Variants in FAM81A observed in about 807,000 individuals in gnomAD.
The protein encoded by FAM81A is family with sequence similarity 81 member A.
A neutral mutation model predicts 46.7 loss-of-function variants in FAM81A; 19 were observed. That is an observed-to-expected ratio of 0.41 (90% CI 0.28 to 0.60). FAM81A has a LOEUF of 0.60. Ranked by LOEUF, FAM81A falls within the 20% of genes least tolerant of loss-of-function variation. The probability of loss-of-function intolerance (pLI) is 0.34; values close to 1 mark genes in which losing one functional copy is unlikely to be tolerated. For synonymous variants in FAM81A, 183 were observed against 152.9 expected, an observed-to-expected ratio of 1.20 and a Z score of -1.45; for missense variants, 377 against 453.5, an observed-to-expected ratio of 0.83 and a Z score of 1.53.
intron 2 of FAM81A, among the ~76,000 whole-genome samples, chr15:59,430,082 A>T (rs1347991089): frequency 6.6e-6 from 1 of 152,154 alleles, no homozygotes; most frequent in African/African-American, 2.4e-5. Context: ...CAAGGGCCAG[A>T]TAATTGTCTG....
At chr15:59,427,057 A>T (rs2081198043) in intron 2 of FAM81A, among the ~76,000 whole-genome samples, 2 of 151,910 alleles carry the variant, frequency 1.3e-5, no homozygotes, top group South Asian at 4.2e-4. Flanking sequence ...TCTTTCTCCC[A>T]TTTGCCTGGG....
At chr15:59,521,136 G>A (rs2082323673) in intron 8 of FAM81A, 118 bp from the exon 9 acceptor site, 1 of 1,127,106 alleles carries the variant, frequency 8.9e-7, no homozygotes, top group Admixed American at 3.2e-5. Context: ...TTTCATCCCA[G>A]AGGTTTTAGC....
chr15:59,430,268 T>G (rs1240621630), intron 2 of FAM81A, among the ~76,000 whole-genome samples: 1 of 95,806 alleles, frequency 1.0e-5, no homozygotes, highest in Non-Finnish European at 2.7e-5. Context: ...TTTTTTTTTT[T>G]TTTTTTTTTT....
At chr15:59,427,890 A>T (rs1003079340) in intron 2 of FAM81A, among the ~76,000 whole-genome samples, 9 of 152,214 alleles carry the variant, frequency 5.9e-5, no homozygotes, top group African/African-American at 2.2e-4. Context: ...TCTCTTCGAT[A>T]TACTGATTTC....
chr15:59,511,264 T>A (rs2082205032), intron 6 of FAM81A, among the ~76,000 whole-genome samples: 1 of 151,828 alleles, frequency 6.6e-6, no homozygotes, highest in Admixed American at 6.6e-5. Flanking sequence ...TATAGGTCAA[T>A]GACAACATCT....
chr15:59,517,973 C>CTT (rs540628428), intron 8 of FAM81A, among the ~76,000 whole-genome samples: 15 of 143,590 alleles, frequency 1.0e-4, no homozygotes, highest in Admixed American at 7.7e-4. Flanking sequence ...TTCTTTCTTC[C>CTT]TTTTTTTTTT....
At chr15:59,398,318 G>A (rs1333673485) in intron 1 of FAM81A, among the ~76,000 whole-genome samples, 1 of 152,276 alleles carries the variant, frequency 6.6e-6, no homozygotes, top group East Asian at 1.9e-4. Flanking sequence ...CACATGGGAG[G>A]AACACTGTGT....
chr15:59,447,232 GT>G (rs1295404052), intron 1 of FAM81A, among the ~76,000 whole-genome samples: 1 of 152,170 alleles, frequency 6.6e-6, no homozygotes, highest in East Asian at 1.9e-4. Context: ...GTAATGTACA[GT>G]TGAAAAAATG....
chr15:59,414,381 G>T (rs570126592), intron 2 of FAM81A, among the ~76,000 whole-genome samples: 2 of 152,180 alleles, frequency 1.3e-5, no homozygotes, highest in African/African-American at 4.8e-5. Context: ...CAGGAGAAAA[G>T]TTATACAAAT....
At chr15:59,454,769 A>T (rs1464655825) in intron 1 of FAM81A, among the ~76,000 whole-genome samples, 6 of 151,456 alleles carry the variant, frequency 4.0e-5, no homozygotes, top group African/African-American at 1.5e-4. Flanking sequence ...GGGACTACAG[A>T]TGCATGCCAC....
intron 1 of FAM81A, among the ~76,000 whole-genome samples, chr15:59,450,667 G>C (rs117769756): frequency 7.6e-4 from 115 of 152,178 alleles, no homozygotes; most frequent in Non-Finnish European, 1.3e-3. Flanking sequence ...TGCTTCCATT[G>C]TCCAGAACAG....
chr15:59,499,097 A>G (rs950774576), intron 4 of FAM81A, among the ~76,000 whole-genome samples: 7 of 152,118 alleles, frequency 4.6e-5, no homozygotes, highest in South Asian at 2.1e-4. Context: ...TTTTCCACCT[A>G]TTGAGATGAT....
intron 3 of FAM81A, among the ~76,000 whole-genome samples, chr15:59,476,963 T>C (rs1299539590): frequency 6.6e-6 from 1 of 150,864 alleles, no homozygotes; most frequent in Non-Finnish European, 1.5e-5. Context: ...CTACTAAAAA[T>C]ACAAAAATTA....
intron 1 of FAM81A, among the ~76,000 whole-genome samples, chr15:59,456,079 A>G (rs1246329774): frequency 6.6e-6 from 1 of 152,218 alleles, no homozygotes; most frequent in Non-Finnish European, 1.5e-5. Context: ...AATAGAGCAC[A>G]ATAAATAGTA....
chr15:59,445,490 C>T (rs1439690607), intron 1 of FAM81A: 1 of 152,128 alleles, frequency 6.6e-6, no homozygotes, highest in East Asian at 1.9e-4. Flanking sequence ...TCCTCCCCTG[C>T]TCCTAAAATA....
chr15:59,518,401 A>G (rs1195131508), intron 8 of FAM81A, among the ~76,000 whole-genome samples: 1 of 152,076 alleles, frequency 6.6e-6, no homozygotes, highest in African/African-American at 2.4e-5. Flanking sequence ...GTAGCTCACT[A>G]CAGCCTCCTG....
At chr15:59,435,289 C>T (rs144695901), upstream of FAM81A, among the ~76,000 whole-genome samples, 1,579 of 151,298 alleles carry the variant, frequency 0.01, 21 homozygotes, top group African/African-American at 0.033. Context: ...CCGTCTCAAA[C>T]AAACAAACAA....
intron 3 of FAM81A, among the ~76,000 whole-genome samples, chr15:59,474,820 A>C (rs1256991365): frequency 6.6e-6 from 1 of 152,088 alleles, no homozygotes; most frequent in Non-Finnish European, 1.5e-5. Context: ...CTGAGAATAA[A>C]CCCATGTGGC....
At chr15:59,458,676 G>A (rs2081513051) in intron 2 of FAM81A, 30 bp downstream of exon 2, 1 of 1,585,852 alleles carries the variant, frequency 6.3e-7, no homozygotes, top group Non-Finnish European at 8.7e-7. Flanking sequence ...TCATCCCATG[G>A]GGGCTGCTAG....
Sources: allele counts gnomAD v4.1 joint callset (sites outside exome capture counted in the v4.1 genomes callset), GRCh38; gene constraint gnomAD v4.1.1; transcripts MANE v1.5; gene names NCBI Gene and HGNC (gene_info 2026-07-23, HGNC 2026-07-21).